The following UBE2H variants were observed in gnomAD, a reference collection of about 807,000 sequenced individuals.
UBE2H encodes ubiquitin conjugating enzyme E2 H, also known as ubiquitin-conjugating enzyme E2 H.
UBE2H carries 3 observed loss-of-function variants against 29.0 expected under a neutral mutation model. That is an observed-to-expected ratio of 0.10 (90% CI 0.05 to 0.27). The LOEUF (loss-of-function observed/expected upper bound fraction) is 0.27, where lower values mean the gene tolerates loss of function less well. Ranked by LOEUF, UBE2H falls within the 10% of genes least tolerant of loss-of-function variation. The pLI is 1.00. For synonymous variants in UBE2H, 69 were observed against 82.9 expected, an observed-to-expected ratio of 0.83 and a Z score of 0.91; for missense variants, 68 against 228.2, an observed-to-expected ratio of 0.30 and a Z score of 4.52.
At chr7:129,935,492 C>T (rs1390850448) in intron 1 of UBE2H, among the ~76,000 whole-genome samples, 1 of 151,728 alleles carries the variant, frequency 6.6e-6, no homozygotes, top group African/African-American at 2.4e-5. Flanking sequence ...AAACAGCATG[C>T]TGCCATTCTA....
At chr7:129,861,497 CAA>C (rs766556776) in intron 3 of UBE2H, among the ~76,000 whole-genome samples, 1 of 152,092 alleles carries the variant, frequency 6.6e-6, no homozygotes, top group Non-Finnish European at 1.5e-5. Flanking sequence ...GTCATGTTTG[CAA>C]GATTCTCCCA....
intron 1 of UBE2H, among the ~76,000 whole-genome samples, chr7:129,919,640 C>T (rs1220897129): frequency 6.6e-6 from 1 of 152,164 alleles, no homozygotes; most frequent in Non-Finnish European, 1.5e-5. Flanking sequence ...TGGAACAGCC[C>T]CATTTCCCTA....
intron 1 of UBE2H, among the ~76,000 whole-genome samples, chr7:129,884,643 A>C (rs1489629095): frequency 6.7e-6 from 1 of 150,096 alleles, no homozygotes; most frequent in Non-Finnish European, 1.5e-5. Flanking sequence ...TTCAGGCTAC[A>C]GTGCAGTAGC....
chr7:129,874,168 T>C (rs1806098986), intron 3 of UBE2H, among the ~76,000 whole-genome samples: 1 of 152,078 alleles, frequency 6.6e-6, no homozygotes, highest in Non-Finnish European at 1.5e-5. Context: ...TAAAATGACA[T>C]CTTAATTTTA....
intron 3 of UBE2H, 178 bp from the exon 4 acceptor site, chr7:129,859,119 G>A: frequency 3.4e-6 from 2 of 584,242 alleles, no homozygotes; most frequent in South Asian, 2.1e-5. Context: ...CCAATTATTT[G>A]GAATACATCA....
intron 5 of UBE2H, 38 bp downstream of exon 5, chr7:129,857,473 C>T: frequency 6.3e-7 from 1 of 1,591,300 alleles, no homozygotes; most frequent in South Asian, 1.2e-5. Context: ...TAGGCAATGT[C>T]TCAACATCTC....
chr7:129,918,770 A>G (rs1807094763), intron 1 of UBE2H, among the ~76,000 whole-genome samples: 1 of 152,192 alleles, frequency 6.6e-6, no homozygotes. Context: ...CTCTATGTAT[A>G]TGTTTAACAT....
intron 3 of UBE2H, among the ~76,000 whole-genome samples, chr7:129,866,761 C>T (rs1805911958): frequency 6.6e-6 from 1 of 152,172 alleles, no homozygotes; most frequent in South Asian, 2.1e-4. Flanking sequence ...AAGGACCAGG[C>T]TCCAGTCAGA....
At chr7:129,926,860 T>A (rs754125230) in intron 1 of UBE2H, among the ~76,000 whole-genome samples, 32 of 152,174 alleles carry the variant, frequency 2.1e-4, no homozygotes, top group Non-Finnish European at 3.5e-4. Context: ...GCAGCCCACA[T>A]AATCTTGGTC....
In UBE2H at chr7:129,835,030, C is replaced by G; in HGVS notation, c.459G>C (p.Ala153=). Residue 153 remains alanine (A), a synonymous_variant, in exon 7 of 7, where the codon GCG becomes GCC. Coordinates refer to ENST00000355621, the MANE Select transcript of UBE2H (RefSeq NM_003344.4). ...EYIQKYATEE[A]LKEQEEGTGD... is the part of the protein sequence containing the mutation. ...CGGTACCCTCTTCCTGTTCTTTCAG[C>G]GCCTCCTCCGTGGCGTATTTCTGGA... 1 of 1,614,058 alleles carries G rather than the reference C, an allele frequency of 6.2e-7. No individual in the cohort carries two copies. Among genetic ancestry groups the G allele is most frequent in the Non-Finnish European group, 8.5e-7 (1 of 1,180,018 alleles).
chr7:129,873,844 A>T (rs963910139), intron 3 of UBE2H, among the ~76,000 whole-genome samples: 1 of 152,062 alleles, frequency 6.6e-6, no homozygotes, highest in Non-Finnish European at 1.5e-5. Context: ...GTTCTCAACC[A>T]TTTCTCTTAC....
chr7:129,899,479 T>C (rs1456716909), intron 1 of UBE2H, among the ~76,000 whole-genome samples: 13 of 152,232 alleles, frequency 8.5e-5, no homozygotes, highest in South Asian at 2.1e-4. Context: ...TCTCTCATGC[T>C]GTTCACCAAT....
Position 129,944,186 on chromosome 7 carries a change from C to A in UBE2H, c.53+8317G>T, listed in dbSNP as rs540087033. On this transcript the variant is annotated intron_variant, in intron 1 of 6. Transcript: ENST00000355621. ...CCTCGCTAACATGGTGAAACCCTGT[C>A]GCTACTAAAAATACAAAAAATTAGC... 9.9e-5 allele frequency among the ~76,000 whole-genome samples: 15 copies of A among 151,942 alleles called. 1 individual carries two copies. In the South Asian group the frequency reaches 3.1e-3, roughly 31 times the overall value.
intron 6 of UBE2H, among the ~76,000 whole-genome samples, chr7:129,837,437 C>A (rs1042485643): frequency 2.6e-5 from 4 of 152,002 alleles, no homozygotes; most frequent in Non-Finnish European, 5.9e-5. Flanking sequence ...GAAATGAGGG[C>A]ACAGATTAAG....
chr7:129,884,442 AC>A (rs1430655503), intron 1 of UBE2H, among the ~76,000 whole-genome samples: 2 of 151,724 alleles, frequency 1.3e-5, no homozygotes, highest in African/African-American at 2.4e-5. Context: ...AAATTTCTCT[AC>A]TTTTTGTATA....
intron 3 of UBE2H, among the ~76,000 whole-genome samples, chr7:129,872,870 A>AG (rs1399272048): frequency 2.0e-5 from 3 of 149,556 alleles, no homozygotes; most frequent in Non-Finnish European, 4.5e-5. Context: ...AAAAAAAAAA[A>AG]AAGAATTATG....
At chr7:129,886,770 A>ATGTTTTTGGT (rs1237877491) in intron 1 of UBE2H, among the ~76,000 whole-genome samples, 1 of 112,286 alleles carries the variant, frequency 8.9e-6, no homozygotes, top group Admixed American at 9.1e-5. Context: ...TTTTTGGTAA[A>ATGTTTTTGGT]AAAAAAAAAA....
chr7:129,857,390 G>A, intron 5 of UBE2H, 121 bp downstream of exon 5: 2 of 963,968 alleles, frequency 2.1e-6, no homozygotes, highest in Non-Finnish European at 3.1e-6. Context: ...TTCCCAGTCG[G>A]TCCCTCAAAA....
At chr7:129,869,957 A>G (rs1479950767) in intron 3 of UBE2H, among the ~76,000 whole-genome samples, 2 of 152,100 alleles carry the variant, frequency 1.3e-5, no homozygotes, top group Non-Finnish European at 2.9e-5. Context: ...TTTTACCACA[A>G]TCCTGCAAAT....
Sources: allele counts gnomAD v4.1 joint callset (sites outside exome capture counted in the v4.1 genomes callset), GRCh38; gene constraint gnomAD v4.1.1; transcripts MANE v1.5; gene names NCBI Gene and HGNC (gene_info 2026-07-23, HGNC 2026-07-21).